Variants in TLN2 observed in about 807,000 individuals in gnomAD.
TLN2 encodes the protein talin 2, also known as talin-2.
TLN2 carries 118 observed loss-of-function variants against 294.7 expected under a neutral mutation model. The observed-to-expected ratio is 0.40, with a 90% CI of 0.34 to 0.47. The LOEUF (loss-of-function observed/expected upper bound fraction) is 0.47, where lower values mean the gene tolerates loss of function less well. Ranked by LOEUF, TLN2 falls within the 20% of genes least tolerant of loss-of-function variation. TLN2 has a pLI of 0.84. For missense variants in TLN2, 3,083 were observed against 3,282.2 expected (o/e 0.94, Z 1.48); for synonymous variants, 1,431 against 1,304.5 (o/e 1.10, Z -2.09).
At chr15:62,740,001 A>C (rs1429721971) in intron 31 of TLN2, among the ~76,000 whole-genome samples, 1 of 151,714 alleles carries the variant, frequency 6.6e-6, no homozygotes, top group Non-Finnish European at 1.5e-5. Context: ...GTTTAGAACA[A>C]GGGAGCTTGA....
In TLN2 at chr15:62,581,247, A is replaced by G. The variant is rs1033337285; in HGVS notation, c.-237-8440A>G. Among the ~76,000 whole-genome samples the G allele has an allele frequency of 3.0e-4, 45 of 152,142 alleles. 1 individual carries two copies. Among genetic ancestry groups the G allele is most frequent in the Admixed American group, 3.9e-4 (6 of 15,270 alleles). ...CAGAATGTCATCGAGTTGGAATTGT[A>G]TAGTATGTAGCCTTTTCAGATTGGC... On this transcript the variant is annotated intron_variant, in intron 1 of 58. Transcript: ENST00000636159.
At chr15:62,523,916 G>C (rs1031451422) in intron 1 of TLN2, among the ~76,000 whole-genome samples, 2 of 152,172 alleles carry the variant, frequency 1.3e-5, no homozygotes, top group African/African-American at 4.8e-5. Context: ...TGAACATACC[G>C]ATCCCAGCTG....
chr15:62,456,002 C>G (rs1438136938), intron 1 of TLN2, among the ~76,000 whole-genome samples: 1 of 151,908 alleles, frequency 6.6e-6, no homozygotes, highest in Non-Finnish European at 1.5e-5. Context: ...CCCCAGAAAC[C>G]CAAAGAACTG....
intron 4 of TLN2, among the ~76,000 whole-genome samples, chr15:62,649,290 ATT>A (rs200316997): frequency 7.8e-6 from 1 of 127,428 alleles, no homozygotes; most frequent in African/African-American, 2.9e-5. Flanking sequence ...TTTCTGTCGG[ATT>A]TTTTTTTTGG....
intron 1 of TLN2, among the ~76,000 whole-genome samples, chr15:62,576,789 T>C (rs1396075283): frequency 6.6e-6 from 1 of 151,792 alleles, no homozygotes; most frequent in African/African-American, 2.4e-5. Flanking sequence ...GCTAAGTTAC[T>C]CTGTCTAGAG....
At chr15:62,798,649 C>G (rs1449537388) in intron 48 of TLN2, among the ~76,000 whole-genome samples, 1 of 152,202 alleles carries the variant, frequency 6.6e-6, no homozygotes, top group Non-Finnish European at 1.5e-5. Context: ...GTAAACTAGT[C>G]TGTCTGGACA....
At chr15:62,669,026 G>C (rs1201780244) in intron 9 of TLN2, among the ~76,000 whole-genome samples, 1 of 152,184 alleles carries the variant, frequency 6.6e-6, no homozygotes, top group Non-Finnish European at 1.5e-5. Context: ...TGCATCTCCT[G>C]ATTGGATTTC....
At chr15:62,771,593 C>T (rs1049111646) in intron 42 of TLN2, among the ~76,000 whole-genome samples, 15 of 152,232 alleles carry the variant, frequency 9.9e-5, no homozygotes, top group Non-Finnish European at 1.9e-4. Flanking sequence ...CACCCAGCTG[C>T]TTTAAGTGGC....
chr15:62,594,833 G>C (rs2046352498), intron 2 of TLN2, among the ~76,000 whole-genome samples: 1 of 152,192 alleles, frequency 6.6e-6, no homozygotes, highest in Admixed American at 6.5e-5. Context: ...TAAAGCTTCT[G>C]CAAAGCTTAG....
At chr15:62,503,704 C>T (rs28665661) in intron 1 of TLN2, among the ~76,000 whole-genome samples, 1 of 152,168 alleles carries the variant, frequency 6.6e-6, no homozygotes, top group African/African-American at 2.4e-5. Flanking sequence ...CAGCTTGTGG[C>T]CTTTCTAGAA....
intron 1 of TLN2, among the ~76,000 whole-genome samples, chr15:62,469,109 CA>C (rs1293835600): frequency 1.3e-5 from 2 of 152,194 alleles, no homozygotes; most frequent in East Asian, 3.8e-4. Context: ...GTAATTGAAA[CA>C]GAGCTTGGAC....
intron 1 of TLN2, among the ~76,000 whole-genome samples, chr15:62,507,828 C>T (rs548632298): frequency 6.6e-6 from 1 of 152,352 alleles, no homozygotes; most frequent in African/African-American, 2.4e-5. Context: ...GCCCTTTTGT[C>T]TTCTGAGGAA....
At chr15:62,461,338 T>C (rs2036794318) in intron 1 of TLN2, among the ~76,000 whole-genome samples, 1 of 152,208 alleles carries the variant, frequency 6.6e-6, no homozygotes. Context: ...GAGATTTGCC[T>C]CCATCTTCGT....
At chr15:62,505,991 C>G (rs1182990638) in intron 1 of TLN2, among the ~76,000 whole-genome samples, 1 of 152,176 alleles carries the variant, frequency 6.6e-6, no homozygotes, top group Non-Finnish European at 1.5e-5. Context: ...ATTTATGGAA[C>G]TAATATCAAG....
chr15:62,484,406 G>A lies in TLN2; in HGVS notation c.-238+93721G>A, dbSNP rs191270844. 4.5e-4 allele frequency among the ~76,000 whole-genome samples: 69 copies of A among 152,230 alleles called. No individual in the cohort carries two copies. The East Asian group carries it at 0.011, about 25-fold the overall frequency. Reference sequence around the variant, plus strand: ...TTTTGTGAATTATCTTCAGAGATCCGCTGGTCCAAGGACCATGGTTTTTTT... The same window carrying A: ...TTTTGTGAATTATCTTCAGAGATCCACTGGTCCAAGGACCATGGTTTTTTT... On this transcript the variant is annotated intron_variant, in intron 1 of 58. Coordinates refer to ENST00000636159, the MANE Select transcript of TLN2 (RefSeq NM_015059.3).
chr15:62,580,090 C>T (rs1033297544), intron 1 of TLN2, among the ~76,000 whole-genome samples: 1 of 152,198 alleles, frequency 6.6e-6, no homozygotes, highest in African/African-American at 2.4e-5. Context: ...GTGGGGAGAT[C>T]TCCCACAGGG....
chr15:62,810,197 C>T lies in TLN2; in HGVS notation c.6771+165C>T, dbSNP rs116340331. On this transcript the variant is annotated intron_variant, in intron 52 of 58. Transcript: ENST00000636159. ...TGGAATCTCCCCTGATGCACTGATC[C>T]GGCACACTGAGCTAAAAGTGCGGTC... Among the ~76,000 whole-genome samples the T allele has an allele frequency of 3.4e-3, 515 of 152,226 alleles. 2 individuals carry two copies. Among genetic ancestry groups the T allele is most frequent in the African/African-American group, 0.011 (438 of 41,536 alleles).
At chr15:62,532,248 G>GT (rs909693828) in intron 1 of TLN2, among the ~76,000 whole-genome samples, 3 of 151,528 alleles carry the variant, frequency 2.0e-5, no homozygotes, top group African/African-American at 7.3e-5. Context: ...GGGTTTCTTG[G>GT]TTTTTTTGTT....
At chr15:62,484,717 G>A (rs1329545818) in intron 1 of TLN2, among the ~76,000 whole-genome samples, 3 of 152,116 alleles carry the variant, frequency 2.0e-5, no homozygotes, top group African/African-American at 7.2e-5. Context: ...GAGCCACCAC[G>A]CCTGGCTGGA....
Sources: gnomAD v4.1 joint callset for allele counts (sites outside exome capture counted in the v4.1 genomes callset) on GRCh38, gnomAD v4.1.1 for gene constraint, MANE v1.5 for transcripts, NCBI Gene and HGNC (gene_info 2026-07-23, HGNC 2026-07-21) for gene names.